ITGBL1: variants seen among roughly 807,000 people sequenced by gnomAD.
ITGBL1 encodes integrin subunit beta like 1, also known as integrin beta-like protein 1.
Under a neutral mutation model 68.5 loss-of-function variants are expected in ITGBL1, and 51 were observed. That is an observed-to-expected ratio of 0.74 (90% CI 0.59 to 0.94). ITGBL1 has a LOEUF of 0.94. Among genes scored for constraint, ITGBL1 ranks in the 40% least tolerant of loss-of-function variants. The pLI, the probability that ITGBL1 is intolerant of heterozygous loss-of-function variation, is 0.00. For synonymous variants in ITGBL1, 209 were observed against 227.3 expected (o/e 0.92, Z 0.72); for missense variants, 649 against 647.4 (o/e 1.00, Z -0.03).
At chr13:101,524,783 G>A (rs990287912) in intron 2 of ITGBL1, among the ~76,000 whole-genome samples, 4 of 151,266 alleles carry the variant, frequency 2.6e-5, no homozygotes, top group Admixed American at 1.3e-4. Flanking sequence ...TGGTCATTAC[G>A]CCAACTGACG....
intron 7 of ITGBL1, among the ~76,000 whole-genome samples, chr13:101,659,125 C>T (rs2033014856): frequency 6.8e-6 from 1 of 147,744 alleles, no homozygotes; most frequent in Non-Finnish European, 1.5e-5. Context: ...GATCTCAGCT[C>T]CTCAGCTCAC....
intron 2 of ITGBL1, among the ~76,000 whole-genome samples, chr13:101,521,510 A>T (rs2049283608): frequency 6.6e-6 from 1 of 152,160 alleles, no homozygotes. Context: ...GGAACAAGAC[A>T]GAGACCAGTG....
intron 6 of ITGBL1, among the ~76,000 whole-genome samples, chr13:101,585,507 T>G (rs1303054723): frequency 1.3e-5 from 2 of 152,160 alleles, no homozygotes; most frequent in Non-Finnish European, 2.9e-5. Context: ...CTCAGCTCAC[T>G]GCGAGCTCCA....
intron 7 of ITGBL1, among the ~76,000 whole-genome samples, chr13:101,638,663 A>G (rs764887297): frequency 2.0e-5 from 3 of 152,112 alleles, no homozygotes; most frequent in Non-Finnish European, 2.9e-5. Flanking sequence ...ATCAGATCTC[A>G]TAAGATTTAT....
At chr13:101,682,544 G>A (rs888542663) in intron 7 of ITGBL1, among the ~76,000 whole-genome samples, 6 of 151,934 alleles carry the variant, frequency 3.9e-5, no homozygotes, top group Non-Finnish European at 7.4e-5. Context: ...CAAGTTTGCA[G>A]TTAATTTCCA....
At chr13:101,538,710 G>A (rs2049625184) in intron 2 of ITGBL1, among the ~76,000 whole-genome samples, 1 of 152,128 alleles carries the variant, frequency 6.6e-6, no homozygotes, top group South Asian at 2.1e-4. Flanking sequence ...TAATGGATAT[G>A]TTAACTTCCT....
chr13:101,667,480 GA>G (rs201436078), intron 7 of ITGBL1, among the ~76,000 whole-genome samples: 24,929 of 139,684 alleles, frequency 0.18, 2,617 homozygotes, highest in Admixed American at 0.28. Context: ...TTAACACTGA[GA>G]AAAAAAAAAA....
intron 2 of ITGBL1, among the ~76,000 whole-genome samples, chr13:101,523,527 T>C (rs748734023): frequency 1.8e-4 from 27 of 152,278 alleles, no homozygotes; most frequent in Middle Eastern, 3.4e-3. Context: ...AACCTTCTGC[T>C]CCGGAGTAAT....
chr13:101,510,751 A>G lies in ITGBL1; in HGVS notation c.316+56651A>G, dbSNP rs1166299433. Among the ~76,000 whole-genome samples the G allele has an allele frequency of 5.9e-5, 9 of 152,096 alleles. No homozygotes were observed. The East Asian group carries it at 1.7e-3, about 29-fold the overall frequency. ...ATTTGCATTTTGATGATGATTAGTG[A>G]TGAGCATTTTTTCATATGTTTGTTG... On this transcript the variant is annotated intron_variant, in intron 2 of 10. Transcript: ENST00000376180.
intron 7 of ITGBL1, among the ~76,000 whole-genome samples, chr13:101,663,819 A>T (rs2033146061): frequency 6.6e-6 from 1 of 151,804 alleles, no homozygotes; most frequent in Non-Finnish European, 1.5e-5. Flanking sequence ...TTGGATGATG[A>T]TTGAAAAAAC....
rs533153442 is a variant in ITGBL1, at chr13:101,616,743, G to A, written c.1015+18444G>A. On this transcript the variant is annotated intron_variant, in intron 7 of 10. Coordinates refer to ENST00000376180, the MANE Select transcript of ITGBL1 (RefSeq NM_004791.3). Reference sequence around the variant, plus strand: ...TGACTTCAAGCGATCTACCCACCTCGACCTCCCAAAGTGCTGGGATTACAG... The same window carrying A: ...TGACTTCAAGCGATCTACCCACCTCAACCTCCCAAAGTGCTGGGATTACAG... 1.4e-4 allele frequency among the ~76,000 whole-genome samples: 21 copies of A among 152,248 alleles called. No individual in the cohort carries two copies. The East Asian group carries it at 3.9e-3, about 28-fold the overall frequency.
At position 101,714,518 on chromosome 13, in the gene ITGBL1, G is replaced by A; in HGVS notation, c.1360G>A (p.Asp454Asn). ...SGEFCDCDDR[D>N]CDKHDGLICT... Reference sequence around the variant, plus strand: ...GGAGTTCTGTGACTGTGATGACAGAGACTGCGACAAACATGATGGTCTCAT... The same window carrying A: ...GGAGTTCTGTGACTGTGATGACAGAAACTGCGACAAACATGATGGTCTCAT... Residue 454 changes from aspartate (D) to asparagine (N), a missense_variant, in exon 10 of 11, where the codon GAC becomes AAC. Coordinates refer to ENST00000376180, the MANE Select transcript of ITGBL1 (RefSeq NM_004791.3). 6.2e-7 allele frequency: 1 copy of A among 1,609,900 alleles called. No individual in the cohort carries two copies. Among genetic ancestry groups the A allele is most frequent in the Non-Finnish European group, 8.5e-7 (1 of 1,176,184 alleles).
intron 2 of ITGBL1, among the ~76,000 whole-genome samples, chr13:101,483,988 G>T (rs2065764): frequency 0.87 from 131,921 of 152,086 alleles, 57,326 homozygotes; most frequent in East Asian, 1. Context: ...CTTCAAAGTT[G>T]AGGCTCTGTG....
intron 2 of ITGBL1, among the ~76,000 whole-genome samples, chr13:101,481,340 C>A (rs1362246658): frequency 6.6e-6 from 1 of 151,642 alleles, no homozygotes; most frequent in Non-Finnish European, 1.5e-5. Flanking sequence ...AGCTATTTAG[C>A]TATTTTAATA....
intron 7 of ITGBL1, among the ~76,000 whole-genome samples, chr13:101,673,198 C>T (rs2033419284): frequency 6.6e-6 from 1 of 152,038 alleles, no homozygotes. Flanking sequence ...TTGTGCCTAC[C>T]TTTTTCACTT....
intron 6 of ITGBL1, among the ~76,000 whole-genome samples, chr13:101,595,905 T>C (rs1159178304): frequency 6.6e-6 from 1 of 152,200 alleles, no homozygotes; most frequent in Non-Finnish European, 1.5e-5. Flanking sequence ...CACTGCAGCA[T>C]TACTCCTAAT....
intron 2 of ITGBL1, among the ~76,000 whole-genome samples, chr13:101,479,497 C>T (rs2048585443): frequency 1.3e-5 from 2 of 151,564 alleles, no homozygotes; most frequent in Non-Finnish European, 2.9e-5. Flanking sequence ...ACAGCAAAGG[C>T]AACAATCAAC....
chr13:101,487,240 A>ATCCT (rs908383158), intron 2 of ITGBL1, among the ~76,000 whole-genome samples: 9 of 152,206 alleles, frequency 5.9e-5, no homozygotes, highest in African/African-American at 9.6e-5. Context: ...ATTTTAAATC[A>ATCCT]TATCAGGTCT....
intron 2 of ITGBL1, among the ~76,000 whole-genome samples, chr13:101,510,893 G>A (rs1234949238): frequency 3.9e-5 from 6 of 151,914 alleles, no homozygotes; most frequent in African/African-American, 9.7e-5. Flanking sequence ...TTCTCGATAT[G>A]AGACCTTTGT....
Sources: gnomAD v4.1 joint callset for allele counts (sites outside exome capture counted in the v4.1 genomes callset) on GRCh38, gnomAD v4.1.1 for gene constraint, MANE v1.5 for transcripts, NCBI Gene and HGNC (gene_info 2026-07-23, HGNC 2026-07-21) for gene names.